The following ZNF318 variants were observed in gnomAD, a reference collection of about 807,000 sequenced individuals.
ZNF318 encodes endocrine regulator.
In ZNF318, 51 loss-of-function variants were observed where a neutral mutation model predicts 124.2. The ratio of observed to expected loss-of-function variants is 0.41; its 90% CI spans 0.33 to 0.52. The LOEUF (loss-of-function observed/expected upper bound fraction) is 0.52, where lower values mean the gene tolerates loss of function less well. Ranked by LOEUF, ZNF318 falls within the 20% of genes least tolerant of loss-of-function variation. The pLI is 0.23. For synonymous variants in ZNF318, 1,090 were observed against 1,040.7 expected (o/e 1.05, Z -0.91); for missense variants, 2,815 against 2,811.2 (o/e 1.00, Z -0.03).
chr6:43,354,634 A>G (rs774755332), intron 4 of ZNF318, 30 bp downstream of exon 4: 6 of 1,543,012 alleles, frequency 3.9e-6, no homozygotes, highest in Non-Finnish European at 3.5e-6. Flanking sequence ...CAGAAAACTC[A>G]GGCACAGGAT....
chr6:43,343,382 T>C (rs1225796325), intron 6 of ZNF318, among the ~76,000 whole-genome samples: 4 of 152,330 alleles, frequency 2.6e-5, no homozygotes, highest in Middle Eastern at 3.4e-3. Flanking sequence ...ACTCATCACA[T>C]GCATCCTGGT....
intron 5 of ZNF318, among the ~76,000 whole-genome samples, chr6:43,349,386 CTT>C (rs369338217): frequency 2.5e-4 from 31 of 124,134 alleles, no homozygotes; most frequent in Middle Eastern, 4.3e-3. Context: ...TCTGGTTTAT[CTT>C]TTTTTTTTTT....
chr6:43,337,823 G>A lies in ZNF318; in HGVS notation c.6175C>T (p.Pro2059Ser). The change falls in exon 10 of 10, where the codon CCC becomes TCC. Residue 2059 changes from proline (P) to serine (S), a missense_variant. Pro to Ser is a moderately conservative substitution (Grantham distance 74). Transcript: ENST00000361428. The part of the protein sequence containing the change: ...VSPIGCNSSD[P>S]ADFEPIPSFS... Reference sequence around the variant, plus strand: ...GATGGGATTGGTTCGAAGTCAGCGGGATCGGAGGAATTACACCCTATAGGT... The same window carrying A: ...GATGGGATTGGTTCGAAGTCAGCGGAATCGGAGGAATTACACCCTATAGGT... The A allele has an allele frequency of 6.2e-7, 1 of 1,614,202 alleles. No homozygotes were observed. Among genetic ancestry groups the A allele is most frequent in the Non-Finnish European group, 8.5e-7 (1 of 1,180,044 alleles).
intron 6 of ZNF318, among the ~76,000 whole-genome samples, chr6:43,343,427 ATAAAG>A (rs1338393528): frequency 6.6e-6 from 1 of 152,244 alleles, no homozygotes; most frequent in African/African-American, 2.4e-5. Flanking sequence ...GTGTACATAG[ATAAAG>A]TAGACTATAC....
rs761888137 is a variant in ZNF318 at position 43,338,781 on chromosome 6, C to T, written c.5217G>A (p.Gln1739=). ...VEPPPQLLDI[Q]CKESQKLVEI... is the part of the protein sequence containing the mutation. The stretch of plus-strand genomic sequence containing the variant: ...CTACCAACTTCTGAGATTCTTTGCA[C>T]TGTATATCTAACAGTTGAGGAGGTG... Residue 1739 remains glutamine, a synonymous_variant, in exon 10 of 10, where the codon CAG becomes CAA. Coordinates refer to ENST00000361428, the MANE Select transcript of ZNF318 (RefSeq NM_014345.3). The T allele has an allele frequency of 2.5e-6, 4 of 1,614,010 alleles. No individual in the cohort carries two copies. The highest frequency in any genetic ancestry group is 3.4e-6 in the Non-Finnish European group (4 of 1,180,034).
chr6:43,343,485 G>A (rs960035204), intron 6 of ZNF318, among the ~76,000 whole-genome samples: 2 of 152,036 alleles, frequency 1.3e-5, no homozygotes, highest in Non-Finnish European at 2.9e-5. Context: ...TGATTTAAAG[G>A]AATCTAGGAA....
chr6:43,364,228 C>T, intron 2 of ZNF318: 2 of 668,456 alleles, frequency 3.0e-6, no homozygotes, highest in East Asian at 5.3e-5. Context: ...TCACTGACCA[C>T]CTCATCAAGA....
Position 43,338,671 on chromosome 6 carries a change from T to C in ZNF318, c.5327A>G (p.Glu1776Gly). The change falls in exon 10 of 10, where the codon GAG becomes GGG. Residue 1776 changes from glutamate (E) to glycine (G), a missense_variant. Transcript: ENST00000361428. ...CCTTTCTTTTAGTTCAGTGTTTGTCTCTATCTCACTTTCTCTACAATCCTC... is the reference window on the plus strand; with the variant it reads ...CCTTTCTTTTAGTTCAGTGTTTGTCCCTATCTCACTTTCTCTACAATCCTC... ...KSEDCRESEIETNTELKERVK... is the reference protein window; with the variant it reads ...KSEDCRESEIGTNTELKERVK... The C allele has an allele frequency of 6.2e-7, 1 of 1,614,212 alleles. No individual in the cohort carries two copies. The highest frequency in any genetic ancestry group is 8.5e-7 in the Non-Finnish European group (1 of 1,180,046).
chr6:43,363,963 G>T, intron 2 of ZNF318: 1 of 681,354 alleles, frequency 1.5e-6, no homozygotes. Context: ...TTCCTTGCAA[G>T]GTGACAGGCT....
rs919352893 is a variant in ZNF318, at chr6:43,339,740, A to T, written c.4258T>A (p.Ser1420Thr). Residue 1420 changes from serine (S) to threonine (T), a missense_variant, in exon 10 of 10, where the codon TCT becomes ACT. By Grantham distance (58) the Ser-to-Thr change is moderately conservative. This residue lies in a region of ZNF318 where 500 missense variants were observed against 605.2 expected (regional missense o/e 0.83). Transcript: ENST00000361428. This position sits in a 1 kb window ranked among gnomAD's most constrained non-coding sequence, Gnocchi z 4.2. ...GCCAACACCACTTTTTCCTCTGGAG[A>T]CCCTTTTAGAATCACCTCTTCCCCT... Reference protein sequence around the residue: ...FGGEEVILKGSPEEKVVLAEK... With the variant: ...FGGEEVILKGTPEEKVVLAEK... 1 of 1,614,026 alleles carries T rather than the reference A, an allele frequency of 6.2e-7. No individual in the cohort carries two copies. Among genetic ancestry groups the T allele is most frequent in the Non-Finnish European group, 8.5e-7 (1 of 1,179,988 alleles).
intron 5 of ZNF318, 121 bp from the exon 6 acceptor site, chr6:43,348,746 A>C (rs778920730): frequency 5.9e-5 from 71 of 1,211,196 alleles, no homozygotes; most frequent in Non-Finnish European, 8.0e-5. Flanking sequence ...AAACGTTTCT[A>C]AGAGTGGCTA....
rs1779356955 is a variant in ZNF318, at chr6:43,340,371, CTTTGG to C, written c.3622_3626del (p.Pro1208GlyfsTer18). On this transcript the variant is annotated frameshift_variant, in exon 10 of 10. Coordinates refer to ENST00000361428, the MANE Select transcript of ZNF318 (RefSeq NM_014345.3). LOFTEE classifies it high-confidence loss of function. ...TTGCCTTTTTTTCTTTCTTCTCCTCCTTTGGTTTCTCACTAAGTTTGCGCTTTAGC... is the reference window on the plus strand; with the variant it reads ...TTGCCTTTTTTTCTTTCTTCTCCTCCTTTCTCACTAAGTTTGCGCTTTAGC... 1 of 1,613,944 alleles carries C rather than the reference CTTTGG, an allele frequency of 6.2e-7. No homozygotes were observed. The highest frequency in any genetic ancestry group is 1.3e-5 in the African/African-American group (1 of 74,894).
In ZNF318 at chr6:43,363,977, G is replaced by A. The variant is rs368917736; in HGVS notation, c.548+1315C>T. 3 of 688,134 alleles carry A rather than the reference G, an allele frequency of 4.4e-6. No individual in the cohort carries two copies. The South Asian group carries it at 4.7e-5, about 11-fold the overall frequency. 42.6% of individuals were successfully genotyped at this position (688,134 alleles called of 1,614,324 possible). On this transcript the variant is annotated intron_variant, in intron 2 of 9. Transcript: ENST00000361428. ...GTTCCTTGCAAGGTGACAGGCTACT[G>A]CGGCTCTGTGCTGGTGCACCTCATC...
chr6:43,336,960 G>A lies in ZNF318; in HGVS notation c.*198C>T, dbSNP rs754418652. 2 of 377,570 alleles carry A rather than the reference G, an allele frequency of 5.3e-6. No homozygotes were observed. The highest frequency in any genetic ancestry group is 9.3e-6 in the Non-Finnish European group (2 of 214,564). 23.4% of individuals were successfully genotyped at this position (377,570 alleles called of 1,614,324 possible). A position where few individuals can be genotyped will look rare whatever the true frequency, so the allele number is the denominator to read the frequency against. ...ATATATATATATATAAGTTGTTATC[G>A]ATTTGTCTGGTGTTTTAAGGGGAAA... On this transcript the variant is annotated 3_prime_UTR_variant, in exon 10 of 10. Coordinates refer to ENST00000361428, the MANE Select transcript of ZNF318 (RefSeq NM_014345.3).
Position 43,355,564 on chromosome 6 carries a change from C to T in ZNF318, c.1770G>A (p.Ala590=), listed in dbSNP as rs148695874. ...ESLEETNPEY[A]KIHDLLKTIG... is the part of the protein sequence containing the mutation. The stretch of plus-strand genomic sequence containing the variant: ...TTGTCTTGAGCAAGTCATGGATCTT[C>T]GCATATTCTGGATTGGTCTCTTCTA... Residue 590 remains alanine, a synonymous_variant, in exon 4 of 10, where the codon GCG becomes GCA. Transcript: ENST00000361428. 4.7e-5 allele frequency: 76 copies of T among 1,614,184 alleles called. 1 individual carries two copies. The African/African-American group carries it at 5.6e-4, about 12-fold the overall frequency.
chr6:43,357,675 G>A lies in ZNF318; in HGVS notation c.639C>T (p.Leu213=), dbSNP rs1779628577. The part of the protein sequence containing the change: ...ERYISQEEGP[L]SPFLGQLDED... The stretch of plus-strand genomic sequence containing the variant: ...CATCAAGTTGTCCCAAGAAGGGACT[G>A]AGAGGCCCTTCCTCCTGGGAAATAT... The change falls in exon 3 of 10, where the codon CTC becomes CTT. Residue 213 remains leucine, a synonymous_variant. Transcript: ENST00000361428. 6.2e-7 allele frequency: 1 copy of A among 1,613,554 alleles called. No homozygotes were observed. The highest frequency in any genetic ancestry group is 1.7e-4 in the Middle Eastern group (1 of 6,060).
rs1254895427 is a variant in ZNF318 at position 43,340,777 on chromosome 6, T to A, written c.3495+13A>T. The A allele has an allele frequency of 6.2e-7, 1 of 1,605,396 alleles. No homozygotes were observed. The highest frequency in any genetic ancestry group is 8.5e-7 in the Non-Finnish European group (1 of 1,172,018). ...AAAAGTTGGAAACTCCACAGCCTAC[T>A]ACAAAGACCAACCTTGTATTTCTCA... is the stretch of plus-strand genomic sequence containing the variant. On this transcript the variant is annotated intron_variant, in intron 9 of 9. Coordinates refer to ENST00000361428, the MANE Select transcript of ZNF318 (RefSeq NM_014345.3).
intron 2 of ZNF318, among the ~76,000 whole-genome samples, chr6:43,361,306 T>C (rs1404013878): frequency 6.6e-6 from 1 of 152,252 alleles, no homozygotes; most frequent in Non-Finnish European, 1.5e-5. Flanking sequence ...GGCTCACACC[T>C]GTAATCTTAG....
Position 43,355,485 on chromosome 6 carries a change from C to T in ZNF318, c.1849G>A (p.Glu617Lys). Residue 617 changes from glutamate (E) to lysine (K), a missense_variant, in exon 4 of 10, where the codon GAA (glutamate) becomes AAA (lysine). Physicochemically the swap from Glu to Lys is moderately conservative, Grantham distance 56. This residue lies in a region of ZNF318 where 1,377 missense variants were observed against 1,353.5 expected (regional missense o/e 1.02). Transcript: ENST00000361428. ...EISQLAARTQERLHGKKPSLR... is the reference protein window; with the variant it reads ...EISQLAARTQKRLHGKKPSLR... The stretch of plus-strand genomic sequence containing the variant: ...GATGGCTTCTTGCCATGAAGTCGTT[C>T]CTGGGTGCGTGCAGCCAATTGACTA... 6.2e-7 allele frequency: 1 copy of T among 1,614,204 alleles called. No homozygotes were observed. Among genetic ancestry groups the T allele is most frequent in the Non-Finnish European group, 8.5e-7 (1 of 1,180,032 alleles).
Sources: gnomAD v4.1 joint callset for allele counts (sites outside exome capture counted in the v4.1 genomes callset) on GRCh38, gnomAD v4.1.1 for gene constraint, gnomAD v4.1.1 regional missense constraint, Gnocchi (gnomAD v3.1) non-coding constraint, MANE v1.5 for transcripts, NCBI Gene and HGNC (gene_info 2026-07-23, HGNC 2026-07-21) for gene names.